WWOX: variants seen among roughly 807,000 people sequenced by gnomAD.
WWOX encodes WW domain-containing oxidoreductase.
In WWOX, 69 loss-of-function variants were observed where a neutral mutation model predicts 46.2. The ratio of observed to expected loss-of-function variants is 1.49; its 90% CI spans 1.23 to 1.82. The LOEUF (loss-of-function observed/expected upper bound fraction) is 1.82, where lower values mean the gene tolerates loss of function less well. WWOX is among the 40% of genes most tolerant of loss of function. The pLI, the probability that WWOX is intolerant of heterozygous loss-of-function variation, is 0.00. For synonymous variants in WWOX, 359 were observed against 202.6 expected, an observed-to-expected ratio of 1.77 and a Z score of -6.56; for missense variants, 919 against 542.6, an observed-to-expected ratio of 1.69 and a Z score of -6.89.
intron 7 of WWOX, among the ~76,000 whole-genome samples, chr16:78,428,540 C>T (rs1185410031): frequency 6.6e-6 from 1 of 152,182 alleles, no homozygotes; most frequent in Non-Finnish European, 1.5e-5. Context: ...TTGAAACTGT[C>T]CTTCCTGGTT....
chr16:78,742,759 T>G (rs1361257154), intron 8 of WWOX, among the ~76,000 whole-genome samples: 2 of 152,162 alleles, frequency 1.3e-5, no homozygotes, highest in African/African-American at 2.4e-5. Context: ...TCGTGTGAGT[T>G]TCCATCCATC....
chr16:79,069,448 T>C lies in WWOX; in HGVS notation c.1057-142160T>C, dbSNP rs561816842. Reference sequence around the variant, plus strand: ...TAAAGACCTTTACATCTCTGTCTTGTTCACACGTTACTGTAGTCATTTACG... The same window carrying C: ...TAAAGACCTTTACATCTCTGTCTTGCTCACACGTTACTGTAGTCATTTACG... On this transcript the variant is annotated intron_variant, in intron 8 of 8. Transcript: ENST00000566780. 2.7e-4 allele frequency among the ~76,000 whole-genome samples: 41 copies of C among 152,310 alleles called. No individual in the cohort carries two copies. In the East Asian group the frequency reaches 6.8e-3, roughly 25 times the overall value.
At chr16:78,310,065 T>G (rs1012776165) in intron 5 of WWOX, among the ~76,000 whole-genome samples, 2 of 150,998 alleles carry the variant, frequency 1.3e-5, no homozygotes, top group East Asian at 4.0e-4. Flanking sequence ...TTCCCCCTCC[T>G]TCCCCCTCTC....
chr16:79,052,180 C>T (rs1008496578), intron 8 of WWOX, among the ~76,000 whole-genome samples: 2 of 151,506 alleles, frequency 1.3e-5, no homozygotes, highest in Admixed American at 1.3e-4. Flanking sequence ...CCAATGCTAT[C>T]CCTCCCCCTT....
chr16:78,691,098 A>AGTGCTTT, intron 8 of WWOX: 1 of 612,306 alleles, frequency 1.6e-6, no homozygotes, highest in Non-Finnish European at 2.9e-6. Flanking sequence ...TGAAAGTAAG[A>AGTGCTTT]GTGCTTTGAA....
At chr16:78,130,962 A>G (rs191916553) in intron 4 of WWOX, among the ~76,000 whole-genome samples, 2 of 152,356 alleles carry the variant, frequency 1.3e-5, no homozygotes, top group Admixed American at 1.3e-4. Flanking sequence ...TTATACACAG[A>G]GGCTGTATGG....
intron 8 of WWOX, among the ~76,000 whole-genome samples, chr16:78,505,478 C>T (rs746394567): frequency 2.6e-5 from 4 of 152,070 alleles, no homozygotes; most frequent in Non-Finnish European, 4.4e-5. Flanking sequence ...TTTAACGCTT[C>T]GTACCTAGAT....
At chr16:78,821,517 G>A (rs898709040) in intron 8 of WWOX, among the ~76,000 whole-genome samples, 1 of 152,232 alleles carries the variant, frequency 6.6e-6, no homozygotes, top group African/African-American at 2.4e-5. Flanking sequence ...ACAGTGACCA[G>A]AGTGTTTGCA....
At chr16:79,149,915 A>G (rs1597421176) in intron 8 of WWOX, among the ~76,000 whole-genome samples, 1 of 152,058 alleles carries the variant, frequency 6.6e-6, no homozygotes, top group African/African-American at 2.4e-5. Flanking sequence ...CCATCAACCC[A>G]CCCATCCACA....
At chr16:78,563,402 G>A (rs977942274) in intron 8 of WWOX, among the ~76,000 whole-genome samples, 9 of 151,514 alleles carry the variant, frequency 5.9e-5, no homozygotes, top group African/African-American at 1.9e-4. Flanking sequence ...GAACTGACAG[G>A]TATTGAAGCC....
At chr16:78,987,144 G>C (rs1394797883) in intron 8 of WWOX, among the ~76,000 whole-genome samples, 2 of 152,146 alleles carry the variant, frequency 1.3e-5, no homozygotes, top group African/African-American at 4.8e-5. Context: ...TTTCTCATTT[G>C]TAATTTTCAG....
chr16:78,741,636 C>G (rs1453229303), intron 8 of WWOX, among the ~76,000 whole-genome samples: 1 of 152,080 alleles, frequency 6.6e-6, no homozygotes, highest in African/African-American at 2.4e-5. Context: ...GGGTGGATCA[C>G]TTGAGGTCAG....
intron 8 of WWOX, chr16:79,203,928 A>T (rs1597474161): frequency 6.6e-6 from 1 of 152,272 alleles, no homozygotes. Context: ...GTTTCAAATA[A>T]ACACACACTA....
At chr16:79,130,316 T>C (rs2049850415) in intron 8 of WWOX, among the ~76,000 whole-genome samples, 1 of 152,232 alleles carries the variant, frequency 6.6e-6, no homozygotes, top group Non-Finnish European at 1.5e-5. Context: ...TATATTGTTT[T>C]CATTGGATAA....
At chr16:78,902,532 C>G (rs1400654101) in intron 8 of WWOX, among the ~76,000 whole-genome samples, 1 of 152,206 alleles carries the variant, frequency 6.6e-6, no homozygotes, top group Non-Finnish European at 1.5e-5. Context: ...TCCAGGCCTT[C>G]CCCCGTGACT....
At chr16:78,621,674 G>A (rs555665399) in intron 8 of WWOX, among the ~76,000 whole-genome samples, 10 of 128,022 alleles carry the variant, frequency 7.8e-5, no homozygotes, top group South Asian at 7.6e-4. Context: ...GCACCATCTC[G>A]GCTCACCACG....
At chr16:79,192,027 G>C (rs917146987) in intron 8 of WWOX, among the ~76,000 whole-genome samples, 1 of 152,166 alleles carries the variant, frequency 6.6e-6, no homozygotes, top group African/African-American at 2.4e-5. Context: ...CCAGGAATCT[G>C]GGGCATTCGC....
intron 8 of WWOX, among the ~76,000 whole-genome samples, chr16:78,570,856 G>T (rs1194823586): frequency 6.6e-6 from 1 of 152,194 alleles, no homozygotes; most frequent in Non-Finnish European, 1.5e-5. Context: ...GGCAAGCTTT[G>T]GAAAGCACGG....
intron 8 of WWOX, among the ~76,000 whole-genome samples, chr16:79,164,604 A>G (rs1050521611): frequency 2.6e-5 from 4 of 152,176 alleles, no homozygotes; most frequent in Non-Finnish European, 5.9e-5. Context: ...TCCGGCTGAC[A>G]CCAAAGGTGA....
Sources: gnomAD v4.1 joint callset for allele counts (sites outside exome capture counted in the v4.1 genomes callset) on GRCh38, gnomAD v4.1.1 for gene constraint, MANE v1.5 for transcripts, NCBI Gene and HGNC (gene_info 2026-07-23, HGNC 2026-07-21) for gene names.